The following PCDHGA7 variants were observed in gnomAD, a reference collection of about 807,000 sequenced individuals.
The protein encoded by PCDHGA7 is protocadherin gamma-A7.
PCDHGA7 carries 44 observed loss-of-function variants against 58.3 expected under a neutral mutation model. That is an observed-to-expected ratio of 0.75 (90% confidence interval 0.59 to 0.97). The LOEUF is 0.97. Ranked by LOEUF, PCDHGA7 falls within the 50% of genes least tolerant of loss-of-function variation. PCDHGA7 has a pLI of 0.00. For missense variants in PCDHGA7, 1,266 were observed against 1,188.7 expected (o/e 1.06, Z -0.96); for synonymous variants, 516 against 504.2 (o/e 1.02, Z -0.31).
chr5:141,393,938 C>T lies in PCDHGA7; in HGVS notation c.2424+8615C>T, dbSNP rs537803893. The T allele has an allele frequency of 1.5e-5, 25 of 1,613,934 alleles. No homozygotes were observed. In the African/African-American group the frequency reaches 2.4e-4, roughly 15 times the overall value. ...CCTTCTTGAGTGTGCATGACCAAGA[C>T]TCTGGAAAGAATGGTCAAGTTGTCT... On this transcript the variant is annotated intron_variant, in intron 1 of 3. Transcript: ENST00000518325.
At chr5:141,401,610 A>AC (rs1186420148) in intron 1 of PCDHGA7, among the ~76,000 whole-genome samples, 1 of 152,212 alleles carries the variant, frequency 6.6e-6, no homozygotes, top group Non-Finnish European at 1.5e-5. Flanking sequence ...GGAAAAAGAC[A>AC]CCGGATTTGT....
At chr5:141,433,264 G>T in intron 1 of PCDHGA7, 1 of 1,314,872 alleles carries the variant, frequency 7.6e-7, no homozygotes, top group South Asian at 1.4e-5. Flanking sequence ...TACGATCATA[G>T]CTCACTGCAG....
intron 1 of PCDHGA7, chr5:141,430,853 C>A: frequency 6.3e-7 from 1 of 1,587,214 alleles, no homozygotes; most frequent in Non-Finnish European, 8.6e-7. Flanking sequence ...CACCCAGATA[C>A]GCTATTCAGT....
At chr5:141,434,337 C>T (rs939910421) in intron 1 of PCDHGA7, among the ~76,000 whole-genome samples, 13 of 152,230 alleles carry the variant, frequency 8.5e-5, no homozygotes, top group African/African-American at 2.4e-4. Context: ...CTCTTTGTGT[C>T]GGGAACAGGC....
intron 2 of PCDHGA7, among the ~76,000 whole-genome samples, chr5:141,502,250 T>A (rs915754322): frequency 2.6e-5 from 4 of 152,242 alleles, no homozygotes; most frequent in East Asian, 3.8e-4. Context: ...TCCTTTTTTT[T>A]AATCCAGGAT....
intron 1 of PCDHGA7, among the ~76,000 whole-genome samples, chr5:141,435,790 A>G (rs1336963117): frequency 2.0e-5 from 3 of 152,168 alleles, no homozygotes; most frequent in African/African-American, 7.2e-5. Flanking sequence ...GCAGGGAAAC[A>G]TAACGTCCCA....
At chr5:141,421,376 C>T in intron 1 of PCDHGA7, 2 of 1,614,030 alleles carry the variant, frequency 1.2e-6, no homozygotes, top group Non-Finnish European at 1.7e-6. Context: ...GGCAATATCT[C>T]CAAGGACCTG....
At position 141,491,700 on chromosome 5, in the gene PCDHGA7, G is replaced by A. The variant is rs1199177466; in HGVS notation, c.2425-3107G>A. 3.1e-6 allele frequency: 5 copies of A among 1,611,830 alleles called. No homozygotes were observed. The highest frequency in any genetic ancestry group is 4.2e-6 in the Non-Finnish European group (5 of 1,179,142). On this transcript the variant is annotated intron_variant, in intron 1 of 3. Coordinates refer to ENST00000518325, the MANE Select transcript of PCDHGA7 (RefSeq NM_018920.4). The surrounding 1 kb of genome is among the most constrained non-coding windows in gnomAD (Gnocchi z 6.9). ...CTAATACGCTGCGGGAGCGGAGCCA[G>A]GTGAGGGGCTCGGCGCCGCCCCGGG...
Position 141,384,000 on chromosome 5 carries a change from T to C in PCDHGA7, c.1101T>C (p.Ala367=), listed in dbSNP as rs1160567279. The change falls in exon 1 of 4, where the codon GCT becomes GCC. Residue 367 remains alanine (A), a synonymous_variant. Transcript: ENST00000518325. ...ACACACCTCTTGGGACAGTCATTGCTCTTTTCTACCTACAAGACAGAGATT... is the reference window on the plus strand; with the variant it reads ...ACACACCTCTTGGGACAGTCATTGCCCTTTTCTACCTACAAGACAGAGATT... ...PEDTPLGTVI[A]LFYLQDRDSG... 2 of 1,613,774 alleles carry C rather than the reference T, an allele frequency of 1.2e-6. No individual in the cohort carries two copies. The highest frequency in any genetic ancestry group is 1.3e-5 in the African/African-American group (1 of 74,926).
intron 1 of PCDHGA7, chr5:141,394,021 G>C (rs2092901030): frequency 6.2e-7 from 1 of 1,613,480 alleles, no homozygotes; most frequent in Non-Finnish European, 8.5e-7. Flanking sequence ...AATTATTATA[G>C]ATTAGTGACA....
At position 141,384,265 on chromosome 5, in the gene PCDHGA7, T is replaced by C. The variant is rs553615154; in HGVS notation, c.1366T>C (p.Ser456Pro). 81 of 1,613,814 alleles carry C rather than the reference T, an allele frequency of 5.0e-5. No individual in the cohort carries two copies. In the South Asian group the frequency reaches 7.4e-4, roughly 15 times the overall value. ...NDNPPTFPHS[S>P]YSVYIAENNP... is the part of the protein sequence containing the mutation. Reference sequence around the variant, plus strand: ...TAACCCACCCACCTTCCCCCACTCATCCTACTCAGTCTACATCGCTGAGAA... The same window carrying C: ...TAACCCACCCACCTTCCCCCACTCACCCTACTCAGTCTACATCGCTGAGAA... The change falls in exon 1 of 4, where the codon TCC becomes CCC. Residue 456 changes from serine to proline, a missense_variant. Coordinates refer to ENST00000518325, the MANE Select transcript of PCDHGA7 (RefSeq NM_018920.4).
At chr5:141,497,541 T>C (rs1157403777) in intron 2 of PCDHGA7, among the ~76,000 whole-genome samples, 9 of 89,564 alleles carry the variant, frequency 1.0e-4, no homozygotes, top group Non-Finnish European at 2.1e-4. Context: ...GCAACAAACC[T>C]TTTTTTTTTT....
At position 141,486,004 on chromosome 5, in the gene PCDHGA7, C is replaced by T; in HGVS notation, c.2425-8803C>T. The T allele has an allele frequency of 6.2e-7, 1 of 1,614,184 alleles. No homozygotes were observed. The highest frequency in any genetic ancestry group is 8.5e-7 in the Non-Finnish European group (1 of 1,180,008). The stretch of plus-strand genomic sequence containing the variant: ...CGGACCTGGGTCCCAGTGGTAACGT[C>T]ACCTTTTATTTCAGTGGTCATACCC... On this transcript the variant is annotated intron_variant, in intron 1 of 3. Coordinates refer to ENST00000518325, the MANE Select transcript of PCDHGA7 (RefSeq NM_018920.4). This position sits in a 1 kb window ranked among gnomAD's most constrained non-coding sequence, Gnocchi z 5.0.
chr5:141,470,379 A>G (rs1210709847), intron 1 of PCDHGA7, among the ~76,000 whole-genome samples: 1 of 152,086 alleles, frequency 6.6e-6, no homozygotes, highest in East Asian at 1.9e-4. Flanking sequence ...TGGAAAGACT[A>G]CTCGATGATA....
At position 141,490,545 on chromosome 5, in the gene PCDHGA7, C is replaced by T; in HGVS notation, c.2425-4262C>T. 3 of 1,614,164 alleles carry T rather than the reference C, an allele frequency of 1.9e-6. No homozygotes were observed. The highest frequency in any genetic ancestry group is 2.5e-6 in the Non-Finnish European group (3 of 1,180,018). ...GCGATGCTGGTTCACCTTCCCTACA[C>T]AAACATCTCACCATCAGGCTCAACA... On this transcript the variant is annotated intron_variant, in intron 1 of 3. Coordinates refer to ENST00000518325, the MANE Select transcript of PCDHGA7 (RefSeq NM_018920.4). The surrounding 1 kb of genome is among the most constrained non-coding windows in gnomAD (Gnocchi z 5.4).
At chr5:141,437,561 C>G (rs1228292384) in intron 1 of PCDHGA7, among the ~76,000 whole-genome samples, 1 of 152,110 alleles carries the variant, frequency 6.6e-6, no homozygotes, top group Non-Finnish European at 1.5e-5. Context: ...TGACATGTAA[C>G]AGAGTATAGC....
chr5:141,455,162 T>G (rs1002208156), intron 1 of PCDHGA7, among the ~76,000 whole-genome samples: 5 of 150,972 alleles, frequency 3.3e-5, no homozygotes, highest in African/African-American at 7.3e-5. Context: ...GTTTGTTGGT[T>G]TTTTTTTTAG....
At position 141,384,717 on chromosome 5, in the gene PCDHGA7, C is replaced by A. The variant is rs575459465; in HGVS notation, c.1818C>A (p.Tyr606Ter). The A allele has an allele frequency of 6.8e-6, 11 of 1,614,166 alleles. No homozygotes were observed. Among genetic ancestry groups the A allele is most frequent in the Non-Finnish European group, 9.3e-6 (11 of 1,180,052 alleles). The change falls in exon 1 of 4, where the codon TAC (tyrosine) becomes TAA (stop). Residue 606 changes from tyrosine to a stop codon, truncating the protein, a stop_gained. Transcript: ENST00000518325. LOFTEE classifies it high-confidence loss of function. Reference protein sequence around the residue: ...KDSGQNAWLSYLLLKASEPGL... With the variant: ...KDSGQNAWLS The stretch of plus-strand genomic sequence containing the variant: ...CAGGCCAGAACGCCTGGCTGTCATA[C>A]CTCCTGCTTAAGGCCAGCGAGCCAG...
At chr5:141,429,361 A>G (rs2097205912) in intron 1 of PCDHGA7, among the ~76,000 whole-genome samples, 1 of 150,698 alleles carries the variant, frequency 6.6e-6, no homozygotes, top group East Asian at 1.9e-4. Context: ...AATGCATGAG[A>G]AAATGGAGAA....
Sources: allele counts gnomAD v4.1 joint callset (sites outside exome capture counted in the v4.1 genomes callset), GRCh38; gene constraint gnomAD v4.1.1; non-coding constraint Gnocchi (gnomAD v3.1); transcripts MANE v1.5; gene names NCBI Gene and HGNC (gene_info 2026-07-23, HGNC 2026-07-21).